ZFPM2: variants seen among roughly 807,000 people sequenced by gnomAD.
The protein encoded by ZFPM2 is zinc finger protein ZFPM2.
A neutral mutation model predicts 98.6 loss-of-function variants in ZFPM2; 20 were observed. That is an observed-to-expected ratio of 0.20 (90% CI 0.14 to 0.29). ZFPM2 has a LOEUF of 0.29. ZFPM2 is among the 10% of genes least tolerant of loss of function. ZFPM2 has a pLI of 1.00. For missense variants in ZFPM2, 1,310 were observed against 1,388.6 expected (o/e 0.94, Z 0.90); for synonymous variants, 518 against 502.7 (o/e 1.03, Z -0.41).
intron 3 of ZFPM2, among the ~76,000 whole-genome samples, chr8:105,486,890 G>A (rs917868238): frequency 6.6e-5 from 10 of 152,150 alleles, no homozygotes; most frequent in African/African-American, 2.4e-4. Flanking sequence ...TGCTTAGCAA[G>A]GTTGTGATCA....
At chr8:105,493,205 A>G (rs2218789) in intron 3 of ZFPM2, among the ~76,000 whole-genome samples, 2,814 of 152,272 alleles carry the variant, frequency 0.018, 91 homozygotes, top group African/African-American at 0.064. Context: ...ACTTCCAGTT[A>G]TTAGCTTGGC....
rs1460296889 is a variant in ZFPM2, at chr8:105,419,932, C to T, written c.199+630C>T. On this transcript the variant is annotated intron_variant, in intron 2 of 7. Coordinates refer to ENST00000407775, the MANE Select transcript of ZFPM2 (RefSeq NM_012082.4). ...ATGGCCTTGCCAGTGACTGTGTTCT[C>T]ATGGAGCATATATACTCATTTGTTT... Among the ~76,000 whole-genome samples, 3 of 152,046 alleles carry T rather than the reference C, an allele frequency of 2.0e-5. 1 individual carries two copies. The highest frequency in any genetic ancestry group is 2.0e-4 in the Admixed American group (3 of 15,266).
At chr8:105,441,414 C>CA (rs879934067) in intron 2 of ZFPM2, among the ~76,000 whole-genome samples, 22 of 62,648 alleles carry the variant, frequency 3.5e-4, no homozygotes, top group African/African-American at 9.3e-4. Flanking sequence ...TCTGTCTCAA[C>CA]AAAAAAAAAG....
intron 4 of ZFPM2, among the ~76,000 whole-genome samples, chr8:105,571,101 A>G (rs1359274090): frequency 1.3e-5 from 2 of 152,218 alleles, no homozygotes; most frequent in Non-Finnish European, 2.9e-5. Flanking sequence ...AATGAGTCAC[A>G]TAACCTTTTC....
At chr8:105,413,507 T>TATATATATATATATATATACATAC (rs1554602641) in intron 1 of ZFPM2, among the ~76,000 whole-genome samples, 1 of 135,558 alleles carries the variant, frequency 7.4e-6, no homozygotes, top group African/African-American at 2.6e-5. Flanking sequence ...TATATATATA[T>TATATATATATATATATATACATAC]ACACACACAC....
chr8:105,582,775 G>A (rs1041879113), intron 4 of ZFPM2, among the ~76,000 whole-genome samples: 1 of 152,062 alleles, frequency 6.6e-6, no homozygotes, highest in African/African-American at 2.4e-5. Flanking sequence ...TGTATTTCTT[G>A]TAGAGACAGG....
chr8:105,544,304 A>T (rs953078028), intron 3 of ZFPM2, among the ~76,000 whole-genome samples: 1 of 152,170 alleles, frequency 6.6e-6, no homozygotes, highest in African/African-American at 2.4e-5. Context: ...TACGACTAAC[A>T]GTATTCTACA....
intron 5 of ZFPM2, chr8:105,786,917 G>C (rs1449599427): frequency 6.6e-6 from 1 of 152,198 alleles, no homozygotes; most frequent in African/African-American, 2.4e-5. Context: ...ATAATGTAAA[G>C]TTAATGACTG....
At chr8:105,408,297 T>C (rs1388700754) in intron 1 of ZFPM2, among the ~76,000 whole-genome samples, 2 of 151,894 alleles carry the variant, frequency 1.3e-5, no homozygotes, top group African/African-American at 4.8e-5. Context: ...TTTTTGAAGA[T>C]ATGTTTTATA....
chr8:105,747,374 T>C (rs979759736), intron 5 of ZFPM2, among the ~76,000 whole-genome samples: 2 of 152,062 alleles, frequency 1.3e-5, no homozygotes, highest in African/African-American at 2.4e-5. Flanking sequence ...AAGACCTGAG[T>C]GTAAAGAATA....
At chr8:105,439,895 G>T (rs2130186030) in intron 2 of ZFPM2, among the ~76,000 whole-genome samples, 1 of 152,244 alleles carries the variant, frequency 6.6e-6, no homozygotes, top group Non-Finnish European at 1.5e-5. Flanking sequence ...TAATCAAAAG[G>T]TCACTCACCT....
intron 5 of ZFPM2, among the ~76,000 whole-genome samples, chr8:105,639,562 C>CA (rs1239624355): frequency 3.3e-5 from 5 of 152,004 alleles, no homozygotes; most frequent in Admixed American, 3.3e-4. Flanking sequence ...TTAGACAAAT[C>CA]ACTTGCCCAC....
At chr8:105,378,326 A>G (rs1187516360) in intron 1 of ZFPM2, among the ~76,000 whole-genome samples, 1 of 152,176 alleles carries the variant, frequency 6.6e-6, no homozygotes, top group Middle Eastern at 3.2e-3. Flanking sequence ...ATTTTAATCC[A>G]TAGTTAAGAC....
At chr8:105,541,721 A>G (rs1312067851) in intron 3 of ZFPM2, among the ~76,000 whole-genome samples, 1 of 152,188 alleles carries the variant, frequency 6.6e-6, no homozygotes, top group African/African-American at 2.4e-5. Flanking sequence ...TAATCTTACA[A>G]TATATTTCCA....
At chr8:105,362,401 G>A (rs1458030658) in intron 1 of ZFPM2, among the ~76,000 whole-genome samples, 2 of 151,964 alleles carry the variant, frequency 1.3e-5, no homozygotes, top group Admixed American at 1.3e-4. Flanking sequence ...TATTGGATTT[G>A]TGTTATGTCT....
At chr8:105,420,072 C>G (rs2130084764) in intron 2 of ZFPM2, among the ~76,000 whole-genome samples, 1 of 152,258 alleles carries the variant, frequency 6.6e-6, no homozygotes, top group South Asian at 2.1e-4. Flanking sequence ...TTCACAAATG[C>G]TTGGATCACT....
chr8:105,553,584 A>G (rs536263846), intron 3 of ZFPM2, among the ~76,000 whole-genome samples: 2 of 152,278 alleles, frequency 1.3e-5, no homozygotes, highest in South Asian at 4.1e-4. Context: ...TTACAAGCTA[A>G]TTCAGTGCTC....
chr8:105,372,521 A>G (rs927654561), intron 1 of ZFPM2, among the ~76,000 whole-genome samples: 3 of 152,172 alleles, frequency 2.0e-5, no homozygotes, highest in African/African-American at 7.2e-5. Flanking sequence ...AATAATAATA[A>G]TATCAATAAT....
At chr8:105,799,508 A>G (rs1813936083) in intron 7 of ZFPM2, among the ~76,000 whole-genome samples, 1 of 152,166 alleles carries the variant, frequency 6.6e-6, no homozygotes, top group Non-Finnish European at 1.5e-5. Context: ...TTTTAGTACT[A>G]TGTTTTAAAA....
Sources: allele counts gnomAD v4.1 joint callset (sites outside exome capture counted in the v4.1 genomes callset), GRCh38; gene constraint gnomAD v4.1.1; transcripts MANE v1.5; gene names NCBI Gene and HGNC (gene_info 2026-07-23, HGNC 2026-07-21).